Variants in PLEKHA7 observed in about 807,000 individuals in gnomAD.
PLEKHA7 encodes pleckstrin homology domain containing A7.
Under a neutral mutation model 170.0 loss-of-function variants are expected in PLEKHA7, and 104 were observed. The observed-to-expected ratio is 0.61, with a 90% CI of 0.52 to 0.72. PLEKHA7 has a LOEUF of 0.72. Among genes scored for constraint, PLEKHA7 ranks in the 30% least tolerant of loss-of-function variants. PLEKHA7 has a pLI of 0.00. For synonymous variants in PLEKHA7, 648 were observed against 660.8 expected (o/e 0.98, Z 0.30); for missense variants, 1,615 against 1,671.7 (o/e 0.97, Z 0.59).
At chr11:16,871,001 C>A in intron 4 of PLEKHA7, 98 bp downstream of exon 4, 2 of 897,458 alleles carry the variant, frequency 2.2e-6, no homozygotes, top group Non-Finnish European at 1.8e-6. Context: ...CCAAGCCCCT[C>A]TGTCTCAGAG....
At chr11:16,836,830 T>C (rs936302165) in intron 9 of PLEKHA7, among the ~76,000 whole-genome samples, 2 of 152,018 alleles carry the variant, frequency 1.3e-5, no homozygotes, top group Admixed American at 1.3e-4. Context: ...TTTTTTGTTT[T>C]GTTTTGTTTT....
Position 16,783,843 on chromosome 11 carries a change from G to A in PLEKHA7, c.3517-10C>T. On this transcript the variant is annotated splice_polypyrimidine_tract_variant and intron_variant, in intron 24 of 26. Coordinates refer to ENST00000531066, the MANE Select transcript of PLEKHA7 (RefSeq NM_001329630.2). ...TCTCTGGTTTGGACAGCTGGGGAGA[G>A]GCCAGGAGGTGGCAGAGGGAGAGGC... 6.9e-7 allele frequency: 1 copy of A among 1,448,552 alleles called. No individual in the cohort carries two copies. Among genetic ancestry groups the A allele is most frequent in the Non-Finnish European group, 9.1e-7 (1 of 1,103,792 alleles). 89.7% of individuals were successfully genotyped at this position (1,448,552 alleles called of 1,614,324 possible).
chr11:16,865,695 T>A (rs1300363557), intron 4 of PLEKHA7, among the ~76,000 whole-genome samples: 1 of 143,468 alleles, frequency 7.0e-6, no homozygotes, highest in African/African-American at 2.5e-5. Context: ...AGACACCATC[T>A]CAAAAAAAAG....
chr11:16,837,646 A>G (rs1851620414), intron 9 of PLEKHA7, among the ~76,000 whole-genome samples: 1 of 152,232 alleles, frequency 6.6e-6, no homozygotes, highest in South Asian at 2.1e-4. Context: ...AAGTAAAACA[A>G]AACAAAAACA....
chr11:16,936,263 G>A (rs1358576369), intron 3 of PLEKHA7, among the ~76,000 whole-genome samples: 4 of 151,728 alleles, frequency 2.6e-5, no homozygotes, highest in African/African-American at 7.3e-5. Context: ...TGAGCCAGGC[G>A]TGGTGGCAGG....
chr11:16,966,286 ATGTATGTG>A (rs1485482802), intron 3 of PLEKHA7, among the ~76,000 whole-genome samples: 6 of 111,058 alleles, frequency 5.4e-5, no homozygotes, highest in African/African-American at 1.8e-4. Context: ...ATGGTTGTGC[ATGTATGTG>A]TGTGTGTGTG....
At chr11:16,954,025 G>A (rs1262343532) in intron 3 of PLEKHA7, among the ~76,000 whole-genome samples, 2 of 152,156 alleles carry the variant, frequency 1.3e-5, no homozygotes, top group Non-Finnish European at 2.9e-5. Context: ...CAATTAGTTG[G>A]GGAGTCATAT....
intron 9 of PLEKHA7, among the ~76,000 whole-genome samples, chr11:16,840,238 C>A (rs1389417424): frequency 6.6e-6 from 1 of 152,116 alleles, no homozygotes; most frequent in East Asian, 1.9e-4. Flanking sequence ...CATTTGAGAG[C>A]TTACTATGTG....
chr11:16,884,360 C>T (rs560918051), intron 3 of PLEKHA7, among the ~76,000 whole-genome samples: 1 of 152,372 alleles, frequency 6.6e-6, no homozygotes, highest in East Asian at 1.9e-4. Flanking sequence ...AGGCTGGGCA[C>T]AGTGGCTCAT....
intron 4 of PLEKHA7, among the ~76,000 whole-genome samples, chr11:16,861,363 T>TAA (rs11362528): frequency 1.4e-5 from 2 of 145,168 alleles, no homozygotes; most frequent in East Asian, 4.0e-4. Flanking sequence ...CTATTAAAAT[T>TAA]AAAAAAAAAA....
intron 3 of PLEKHA7, among the ~76,000 whole-genome samples, chr11:16,971,484 C>T (rs1221711539): frequency 6.6e-6 from 1 of 152,176 alleles, no homozygotes; most frequent in Admixed American, 6.5e-5. Context: ...TCTTCAGCAA[C>T]CTTTCCAGGT....
At chr11:16,790,192 C>A in intron 21 of PLEKHA7, 1 of 383,174 alleles carries the variant, frequency 2.6e-6, no homozygotes, top group Non-Finnish European at 4.9e-6. Context: ...TGCCTTTCAC[C>A]CCCTGATCCA....
At chr11:16,973,408 C>T (rs952696757) in intron 3 of PLEKHA7, among the ~76,000 whole-genome samples, 1 of 152,164 alleles carries the variant, frequency 6.6e-6, no homozygotes, top group African/African-American at 2.4e-5. Flanking sequence ...GCTCCCAGAT[C>T]GACCCCCTTC....
chr11:16,964,744 T>A (rs1862266681), intron 3 of PLEKHA7, among the ~76,000 whole-genome samples: 1 of 152,232 alleles, frequency 6.6e-6, no homozygotes, highest in Non-Finnish European at 1.5e-5. Context: ...TACAGGGCAC[T>A]GCGCTGCAGT....
chr11:16,873,518 A>G (rs978078076), intron 3 of PLEKHA7, among the ~76,000 whole-genome samples: 1 of 152,186 alleles, frequency 6.6e-6, no homozygotes, highest in African/African-American at 2.4e-5. Context: ...CTATGACCTC[A>G]TTTGGCAGAC....
chr11:16,970,220 T>A (rs1277534746), intron 3 of PLEKHA7, among the ~76,000 whole-genome samples: 1 of 152,202 alleles, frequency 6.6e-6, no homozygotes, highest in Non-Finnish European at 1.5e-5. Context: ...TCAGACTCAC[T>A]GGATTAAAGC....
intron 3 of PLEKHA7, among the ~76,000 whole-genome samples, chr11:16,971,787 C>T (rs1051493195): frequency 2.0e-5 from 3 of 151,652 alleles, no homozygotes; most frequent in East Asian, 1.9e-4. Context: ...GGGATATTTT[C>T]GCAGATGTCA....
intron 9 of PLEKHA7, among the ~76,000 whole-genome samples, chr11:16,827,479 C>T (rs1455186543): frequency 1.3e-5 from 2 of 152,186 alleles, no homozygotes; most frequent in South Asian, 4.1e-4. Context: ...TCTACTGCCT[C>T]TCCACATGTG....
At chr11:17,010,369 C>T (rs902558584) in intron 3 of PLEKHA7, among the ~76,000 whole-genome samples, 1 of 148,282 alleles carries the variant, frequency 6.7e-6, no homozygotes, top group East Asian at 2.0e-4. Context: ...CCAGCCTGGG[C>T]GACAGAGCAA....
Sources: allele counts gnomAD v4.1 joint callset (sites outside exome capture counted in the v4.1 genomes callset), GRCh38; gene constraint gnomAD v4.1.1; transcripts MANE v1.5; gene names NCBI Gene and HGNC (gene_info 2026-07-23, HGNC 2026-07-21).